The following ZDHHC15 variants were observed in gnomAD, a reference collection of about 807,000 sequenced individuals.
The protein encoded by ZDHHC15 is zDHHC palmitoyltransferase 15.
ZDHHC15 carries 19 observed loss-of-function variants against 31.7 expected under a neutral mutation model. That is an observed-to-expected ratio of 0.60 (90% CI 0.42 to 0.88). The LOEUF (loss-of-function observed/expected upper bound fraction) is 0.88. Ranked by LOEUF, ZDHHC15 falls within the 40% of genes least tolerant of loss-of-function variation. The probability of loss-of-function intolerance (pLI) is 0.00; values close to 1 mark genes in which losing one functional copy is unlikely to be tolerated. For missense variants in ZDHHC15, 209 were observed against 251.2 expected (o/e 0.83, Z 1.14); for synonymous variants, 103 against 90.0 (o/e 1.14, Z -0.82).
chrX:75,483,034 CAT>C (rs2084716911), intron 2 of ZDHHC15, among the ~76,000 whole-genome samples: 1 of 102,286 alleles, frequency 9.8e-6, no homozygotes, highest in African/African-American at 3.6e-5. Context: ...TATACACACA[CAT>C]ACATATATAC....
chrX:75,474,919 G>C (rs1472475288), intron 3 of ZDHHC15, among the ~76,000 whole-genome samples: 1 of 109,516 alleles, frequency 9.1e-6, no homozygotes, highest in Admixed American at 9.8e-5. Flanking sequence ...AATTAGCCAG[G>C]CGTGGTGGCG....
chrX:75,418,873 A>G (rs1224211029), intron 9 of ZDHHC15, among the ~76,000 whole-genome samples: 1 of 112,333 alleles, frequency 8.9e-6, no homozygotes, highest in Non-Finnish European at 1.9e-5. Flanking sequence ...AACCTAGGCA[A>G]TACCATTCAG....
intron 10 of ZDHHC15, among the ~76,000 whole-genome samples, chrX:75,407,769 AG>A (rs2083436310): frequency 1.8e-5 from 2 of 110,859 alleles, no homozygotes; most frequent in South Asian, 7.5e-4. Flanking sequence ...TCAAATAGAA[AG>A]GGGGGAAATG....
chrX:75,467,872 A>T (rs1317209870), intron 3 of ZDHHC15, among the ~76,000 whole-genome samples: 1 of 110,809 alleles, frequency 9.0e-6, no homozygotes, highest in Non-Finnish European at 1.9e-5. Context: ...CATCTCCCCA[A>T]AAGGAAACAC....
At chrX:75,425,810 A>G (rs1347634676) in intron 7 of ZDHHC15, among the ~76,000 whole-genome samples, 1 of 111,795 alleles carries the variant, frequency 8.9e-6, no homozygotes, top group Non-Finnish European at 1.9e-5. Flanking sequence ...GCAAGTTCAG[A>G]TAGTACAGAT....
At chrX:75,453,615 T>C (rs1056395227) in intron 3 of ZDHHC15, among the ~76,000 whole-genome samples, 3 of 111,428 alleles carry the variant, frequency 2.7e-5, no homozygotes, top group Non-Finnish European at 5.7e-5. Context: ...ATATCCCAGA[T>C]GAATATCGAT....
chrX:75,436,177 G>A (rs913685652), intron 4 of ZDHHC15, among the ~76,000 whole-genome samples: 21 of 111,186 alleles, frequency 1.9e-4, no homozygotes, highest in Admixed American at 3.8e-4. Flanking sequence ...TTCTGTTATC[G>A]GCTGTAATAT....
chrX:75,450,681 T>C (rs757690999), intron 4 of ZDHHC15, 121 bp downstream of exon 4: 21 of 1,182,284 alleles, frequency 1.8e-5, no homozygotes, highest in Non-Finnish European at 2.3e-5. Context: ...TGGAGAAAAA[T>C]CTCCATAGTG....
At chrX:75,430,320 T>C (rs1334595242) in intron 5 of ZDHHC15, among the ~76,000 whole-genome samples, 2 of 111,417 alleles carry the variant, frequency 1.8e-5, no homozygotes, top group Non-Finnish European at 3.8e-5. Context: ...CAGAAGAAAA[T>C]ATATGGCTAT....
intron 10 of ZDHHC15, among the ~76,000 whole-genome samples, chrX:75,410,172 G>A (rs767296970): frequency 9.0e-6 from 1 of 111,381 alleles, no homozygotes; most frequent in African/African-American, 3.3e-5. Context: ...AGGACAAGAC[G>A]TTGAAAGCAC....
chrX:75,404,161 A>G (rs2083386240), intron 10 of ZDHHC15, among the ~76,000 whole-genome samples: 2 of 112,020 alleles, frequency 1.8e-5, no homozygotes, highest in South Asian at 7.5e-4. Flanking sequence ...TGCTGGGATA[A>G]CTGGTTCACC....
chrX:75,505,013 A>C (rs1206670243), intron 2 of ZDHHC15, among the ~76,000 whole-genome samples: 1 of 111,597 alleles, frequency 9.0e-6, no homozygotes, highest in Non-Finnish European at 1.9e-5. Flanking sequence ...AGGAAATAGC[A>C]GAGCCAGGAT....
intron 4 of ZDHHC15, among the ~76,000 whole-genome samples, chrX:75,438,304 C>A (rs1227081310): frequency 9.0e-6 from 1 of 111,627 alleles, no homozygotes; most frequent in East Asian, 2.8e-4. Context: ...TATTTCATTT[C>A]TCAAGTCTAA....
chrX:75,376,179 A>G (rs1037992361), intron 11 of ZDHHC15, among the ~76,000 whole-genome samples: 1 of 106,300 alleles, frequency 9.4e-6, no homozygotes, highest in Non-Finnish European at 1.9e-5. Context: ...ATTTTTTTTC[A>G]TATGTTTGTT....
At chrX:75,425,355 T>C (rs192319161) in intron 7 of ZDHHC15, among the ~76,000 whole-genome samples, 78 of 111,814 alleles carry the variant, frequency 7.0e-4, no homozygotes, top group Non-Finnish European at 1.2e-3. Flanking sequence ...TGTGCTGATA[T>C]ATTACATCCT....
intron 10 of ZDHHC15, among the ~76,000 whole-genome samples, chrX:75,401,837 A>C (rs1215671385): frequency 8.9e-6 from 1 of 112,254 alleles, no homozygotes; most frequent in Non-Finnish European, 1.9e-5. Flanking sequence ...TAAATGAGAC[A>C]GAAAATTAAC....
intron 10 of ZDHHC15, among the ~76,000 whole-genome samples, chrX:75,380,715 T>A (rs1467808947): frequency 9.1e-6 from 1 of 110,395 alleles, no homozygotes; most frequent in Non-Finnish European, 1.9e-5. Context: ...ATTTAGGGAG[T>A]CAATTCACCT....
At chrX:75,472,355 T>C (rs2084515603) in intron 3 of ZDHHC15, among the ~76,000 whole-genome samples, 3 of 112,060 alleles carry the variant, frequency 2.7e-5, no homozygotes, top group Admixed American at 1.9e-4. Context: ...GACAGCGGTG[T>C]AAAGAAATCT....
chrX:75,371,486 G>T lies in ZDHHC15; in HGVS notation c.*1492C>A, dbSNP rs1255413895. On this transcript the variant is annotated 3_prime_UTR_variant, in exon 12 of 12. Transcript: ENST00000373367. ...ATTACCTAGGGATCCAGATGAACAG[G>T]TTTTGTTGTTGCTTTAAGTAGCTGG... 1 of 111,951 alleles carries T rather than the reference G, an allele frequency of 8.9e-6. No individual in the cohort carries two copies. Among genetic ancestry groups the T allele is most frequent in the Non-Finnish European group, 1.9e-5 (1 of 53,201 alleles). 9.2% of individuals were successfully genotyped at this position (111,951 alleles called of 1,213,427 possible). A position where few individuals can be genotyped will look rare whatever the true frequency, so the allele number is the denominator to read the frequency against.
Sources: gnomAD v4.1 joint callset for allele counts (sites outside exome capture counted in the v4.1 genomes callset) on GRCh38, gnomAD v4.1.1 for gene constraint, MANE v1.5 for transcripts, NCBI Gene and HGNC (gene_info 2026-07-23, HGNC 2026-07-21) for gene names.